Variants in CAMKMT observed in about 807,000 individuals in gnomAD.
CAMKMT encodes calmodulin-lysine N-methyltransferase, also known as CaM KMT.
CAMKMT carries 53 observed loss-of-function variants against 48.0 expected under a neutral mutation model. The ratio of observed to expected loss-of-function variants is 1.10; its 90% CI spans 0.89 to 1.39. CAMKMT has a LOEUF of 1.39. CAMKMT is among the 40% of genes most tolerant of loss of function. CAMKMT has a pLI of 0.00. For synonymous variants in CAMKMT, 165 were observed against 152.3 expected, an observed-to-expected ratio of 1.08 and a Z score of -0.61; for missense variants, 428 against 402.7, an observed-to-expected ratio of 1.06 and a Z score of -0.54.
At chr2:44,506,948 A>G (rs971969489) in intron 3 of CAMKMT, among the ~76,000 whole-genome samples, 1 of 152,208 alleles carries the variant, frequency 6.6e-6, no homozygotes, top group East Asian at 1.9e-4. Flanking sequence ...AATGGCAAAC[A>G]TACTCTTTAA....
intron 3 of CAMKMT, among the ~76,000 whole-genome samples, chr2:44,484,098 G>C (rs985670250): frequency 6.6e-6 from 1 of 152,058 alleles, no homozygotes; most frequent in Admixed American, 6.5e-5. Flanking sequence ...TCCTAATGGG[G>C]AGAAATGTAC....
At chr2:44,565,699 T>C (rs957248327) in intron 3 of CAMKMT, among the ~76,000 whole-genome samples, 2 of 148,512 alleles carry the variant, frequency 1.3e-5, no homozygotes, top group Non-Finnish European at 3.0e-5. Flanking sequence ...AGTCTGGAAT[T>C]AAAAAAACAA....
intron 8 of CAMKMT, among the ~76,000 whole-genome samples, chr2:44,753,215 C>T (rs999315575): frequency 6.8e-6 from 1 of 147,382 alleles, no homozygotes; most frequent in African/African-American, 2.5e-5. Flanking sequence ...TAGTTCAAGA[C>T]CAGCCCTGGC....
At chr2:44,532,121 C>T (rs1468297651) in intron 3 of CAMKMT, among the ~76,000 whole-genome samples, 1 of 152,110 alleles carries the variant, frequency 6.6e-6, no homozygotes, top group Non-Finnish European at 1.5e-5. Context: ...GGTATAGTGT[C>T]ATTTTAATCA....
At chr2:44,527,899 C>G (rs1326646118) in intron 3 of CAMKMT, among the ~76,000 whole-genome samples, 6 of 151,112 alleles carry the variant, frequency 4.0e-5, no homozygotes, top group Non-Finnish European at 8.8e-5. Flanking sequence ...ATTACTCTTC[C>G]TCTTTTGACA....
At chr2:44,412,564 G>A (rs1415757339) in intron 3 of CAMKMT, among the ~76,000 whole-genome samples, 2 of 151,908 alleles carry the variant, frequency 1.3e-5, no homozygotes, top group Admixed American at 1.3e-4. Context: ...TTAAATTCCT[G>A]ACCTCAGGTG....
intron 3 of CAMKMT, among the ~76,000 whole-genome samples, chr2:44,614,597 T>C (rs1172159413): frequency 1.3e-5 from 2 of 152,050 alleles, no homozygotes; most frequent in Non-Finnish European, 2.9e-5. Flanking sequence ...GATAAGTGCA[T>C]TGGAGAAAAA....
chr2:44,544,948 T>A (rs1379622236), intron 3 of CAMKMT, among the ~76,000 whole-genome samples: 1 of 152,236 alleles, frequency 6.6e-6, no homozygotes, highest in African/African-American at 2.4e-5. Flanking sequence ...TTTTAAAGAA[T>A]AATTTTGTTT....
chr2:44,370,967 C>T (rs566892991), intron 1 of CAMKMT, among the ~76,000 whole-genome samples: 46 of 152,226 alleles, frequency 3.0e-4, no homozygotes, highest in African/African-American at 9.6e-4. Context: ...GACACCACCA[C>T]ATCCTACTAA....
Position 44,772,570 on chromosome 2 carries a change from T to C in CAMKMT, c.*457T>C, listed in dbSNP as rs343954. ...TTCCTGGTTAGAAAAATAAATAAAG[T>C]GTATCTTTTTATCTCCCTCCAATTA... On this transcript the variant is annotated 3_prime_UTR_variant, in exon 11 of 11. Coordinates refer to ENST00000378494, the MANE Select transcript of CAMKMT (RefSeq NM_024766.5). 26,956 of 152,634 alleles carry C rather than the reference T, an allele frequency of 0.18. 2,475 individuals are homozygous for C. The highest frequency in any genetic ancestry group is 0.21 in the South Asian group (1,022 of 4,810). The allele number at this position is 152,634 out of a possible 1,614,324, so 9.5% of individuals were successfully genotyped here.
chr2:44,737,173 T>G (rs1165566128), intron 7 of CAMKMT, among the ~76,000 whole-genome samples: 2 of 152,096 alleles, frequency 1.3e-5, no homozygotes, highest in African/African-American at 4.8e-5. Context: ...TGGAGTGGAG[T>G]GGCACAATCA....
chr2:44,641,458 A>G (rs541137637), intron 3 of CAMKMT, among the ~76,000 whole-genome samples: 1 of 151,946 alleles, frequency 6.6e-6, no homozygotes, highest in African/African-American at 2.4e-5. Flanking sequence ...CCAACCCCAG[A>G]CCTAAGGCAG....
chr2:44,435,044 A>AGGTTCTTTTGAACAACG (rs1234538032), intron 3 of CAMKMT, among the ~76,000 whole-genome samples: 4 of 151,970 alleles, frequency 2.6e-5, no homozygotes, highest in African/African-American at 9.7e-5. Context: ...TTTGAACAAC[A>AGGTTCTTTTGAACAACG]GTACACCATC....
chr2:44,696,815 T>G (rs894257557), intron 3 of CAMKMT, among the ~76,000 whole-genome samples: 2 of 151,566 alleles, frequency 1.3e-5, no homozygotes, highest in African/African-American at 4.8e-5. Flanking sequence ...ATGAGAAAAC[T>G]TAAAAGAAAC....
intron 3 of CAMKMT, among the ~76,000 whole-genome samples, chr2:44,427,759 A>G (rs770709894): frequency 2.0e-5 from 3 of 152,158 alleles, no homozygotes; most frequent in African/African-American, 4.8e-5. Context: ...CCAGATTTGT[A>G]TTATATTGAA....
chr2:44,721,544 T>C (rs1678460028), intron 7 of CAMKMT, among the ~76,000 whole-genome samples: 1 of 152,200 alleles, frequency 6.6e-6, no homozygotes, highest in East Asian at 1.9e-4. Context: ...AATTACAACT[T>C]TATTGAGATA....
intron 3 of CAMKMT, among the ~76,000 whole-genome samples, chr2:44,487,221 A>T (rs1038081021): frequency 6.6e-6 from 1 of 152,176 alleles, no homozygotes; most frequent in African/African-American, 2.4e-5. Context: ...CATTGTGCTC[A>T]TCTTTAAGTT....
At chr2:44,594,644 C>T (rs963777182) in intron 3 of CAMKMT, among the ~76,000 whole-genome samples, 18 of 152,126 alleles carry the variant, frequency 1.2e-4, no homozygotes, top group African/African-American at 4.3e-4. Flanking sequence ...TTCCTTACAC[C>T]TTAGACAAAA....
intron 3 of CAMKMT, among the ~76,000 whole-genome samples, chr2:44,640,658 C>G (rs1673398930): frequency 6.6e-6 from 1 of 152,188 alleles, no homozygotes; most frequent in African/African-American, 2.4e-5. Flanking sequence ...CTGCTACTTA[C>G]TATTACTATT....
Sources: gnomAD v4.1 joint callset for allele counts (sites outside exome capture counted in the v4.1 genomes callset) on GRCh38, gnomAD v4.1.1 for gene constraint, MANE v1.5 for transcripts, NCBI Gene and HGNC (gene_info 2026-07-23, HGNC 2026-07-21) for gene names.